Variants in GKAP1 observed in about 807,000 individuals in gnomAD.
GKAP1 encodes G kinase anchoring protein 1, also known as G kinase-anchoring protein 1.
Under a neutral mutation model 56.7 loss-of-function variants are expected in GKAP1, and 31 were observed. That is an observed-to-expected ratio of 0.55 (90% CI 0.41 to 0.74). GKAP1 has a LOEUF of 0.74. Ranked by LOEUF, GKAP1 falls within the 30% of genes least tolerant of loss-of-function variation. The pLI is 0.00. For synonymous variants in GKAP1, 151 were observed against 138.6 expected (o/e 1.09, Z -0.63); for missense variants, 364 against 402.3 (o/e 0.90, Z 0.82).
intron 3 of GKAP1, among the ~76,000 whole-genome samples, chr9:83,803,044 G>A (rs181797010): frequency 7.2e-5 from 11 of 152,090 alleles, no homozygotes; most frequent in Non-Finnish European, 1.5e-4. Context: ...GGGAGGCAGA[G>A]GTTGTAGTGA....
At chr9:83,783,181 T>C (rs1010490557) in intron 6 of GKAP1, among the ~76,000 whole-genome samples, 1 of 152,218 alleles carries the variant, frequency 6.6e-6, no homozygotes, top group South Asian at 2.1e-4. Flanking sequence ...GTAATATTTA[T>C]CCTCACAGAA....
intron 3 of GKAP1, among the ~76,000 whole-genome samples, chr9:83,800,495 AGAT>A (rs578096600): frequency 1.1e-3 from 172 of 152,080 alleles, no homozygotes; most frequent in Non-Finnish European, 1.6e-3. Flanking sequence ...CACCACGCCC[AGAT>A]ACTTTTTCTA....
chr9:83,780,681 T>C (rs538576821), intron 6 of GKAP1, among the ~76,000 whole-genome samples: 9 of 152,276 alleles, frequency 5.9e-5, no homozygotes, highest in African/African-American at 1.9e-4. Flanking sequence ...ATTTTAAGCA[T>C]ATGAGTTCCA....
chr9:83,755,389 A>G (rs150876908), intron 8 of GKAP1, among the ~76,000 whole-genome samples: 56 of 152,276 alleles, frequency 3.7e-4, no homozygotes, highest in African/African-American at 1.3e-3. Flanking sequence ...AAGAACATAC[A>G]CCAAAACTTT....
At chr9:83,748,640 C>T in intron 9 of GKAP1, 1 of 213,694 alleles carries the variant, frequency 4.7e-6, no homozygotes, top group Non-Finnish European at 9.2e-6. Context: ...ACTAAATTTT[C>T]CTAAATAATC....
chr9:83,748,035 T>C (rs893041869), intron 10 of GKAP1, among the ~76,000 whole-genome samples: 1 of 152,130 alleles, frequency 6.6e-6, no homozygotes, highest in African/African-American at 2.4e-5. Context: ...ATTTATGAGG[T>C]GCATGTGATA....
chr9:83,762,814 G>A (rs777856762), intron 8 of GKAP1, among the ~76,000 whole-genome samples: 6 of 152,114 alleles, frequency 3.9e-5, no homozygotes, highest in Non-Finnish European at 7.4e-5. Context: ...CAGTCTCTTC[G>A]ATAAATGGCA....
rs1202724876 is a variant in GKAP1 at position 83,806,439 on chromosome 9, A to G, written c.79T>C (p.Ser27Pro). ...TTACCTTTTCCAGGTTCAGAATCAGAGCCACTGCCACTATCCACTTGTAAC... is the reference window on the plus strand; with the variant it reads ...TTACCTTTTCCAGGTTCAGAATCAGGGCCACTGCCACTATCCACTTGTAAC... ...ALLQVDSGSG[S>P]DSEPGKGKGR... Residue 27 changes from serine to proline, a missense_variant, in exon 3 of 13, where the codon TCT becomes CCT. Ser to Pro is a moderately conservative substitution (Grantham distance 74, BLOSUM62 -1). Coordinates refer to ENST00000376371, the MANE Select transcript of GKAP1 (RefSeq NM_025211.4). 6.2e-7 allele frequency: 1 copy of G among 1,613,734 alleles called. No homozygotes were observed. The highest frequency in any genetic ancestry group is 8.5e-7 in the Non-Finnish European group (1 of 1,179,760).
chr9:83,750,462 T>C lies in GKAP1; in HGVS notation c.841-2090A>G, dbSNP rs563830524. ...GACGTGCTCTTCCTCTTACACTCTA[T>C]ACTTATCCATTGTTTTAGCAGACTG... On this transcript the variant is annotated intron_variant, in intron 9 of 12. Transcript: ENST00000376371. Among the ~76,000 whole-genome samples the C allele has an allele frequency of 2.0e-5, 3 of 152,314 alleles. No individual in the cohort carries two copies. In the East Asian group the frequency reaches 5.8e-4, roughly 29 times the overall value.
intron 2 of GKAP1, among the ~76,000 whole-genome samples, chr9:83,812,746 A>C (rs1474842884): frequency 6.6e-5 from 10 of 152,186 alleles, no homozygotes; most frequent in Non-Finnish European, 7.3e-5. Flanking sequence ...AATCAATACA[A>C]TATTGATTTT....
At chr9:83,742,508 T>A (rs377224305) in intron 11 of GKAP1, 22 bp downstream of exon 11, 1 of 1,543,782 alleles carries the variant, frequency 6.5e-7, no homozygotes. Flanking sequence ...AAACCAGTCA[T>A]GTATGCTCCA....
chr9:83,775,384 G>C (rs1345316292), intron 7 of GKAP1, among the ~76,000 whole-genome samples: 2 of 151,974 alleles, frequency 1.3e-5, no homozygotes, highest in African/African-American at 4.8e-5. Flanking sequence ...CCTTTTACTG[G>C]AGAATGGTTT....
At chr9:83,817,294 G>A (rs1399052854) in intron 1 of GKAP1, 167 bp from the exon 2 acceptor site, 1 of 151,912 alleles carries the variant, frequency 6.6e-6, no homozygotes, top group Admixed American at 6.6e-5. Context: ...CTGGGAGTCG[G>A]GTGCGAGTCC....
intron 2 of GKAP1, among the ~76,000 whole-genome samples, chr9:83,812,571 C>T (rs557095717): frequency 1.1e-4 from 16 of 150,654 alleles, no homozygotes; most frequent in African/African-American, 3.9e-4. Context: ...AACCCCTAGG[C>T]TCAAGCAATC....
At chr9:83,759,157 C>A (rs1193560171) in intron 8 of GKAP1, among the ~76,000 whole-genome samples, 1 of 152,216 alleles carries the variant, frequency 6.6e-6, no homozygotes, top group Non-Finnish European at 1.5e-5. Context: ...CCCTCCTCTT[C>A]TGAGGATATC....
chr9:83,753,349 A>G lies in GKAP1; in HGVS notation c.749T>C (p.Leu250Pro). The G allele has an allele frequency of 6.3e-7, 1 of 1,590,238 alleles. No homozygotes were observed. The highest frequency in any genetic ancestry group is 8.6e-7 in the Non-Finnish European group (1 of 1,159,304). ...TAHEHNQEVV[L>P]KDGRIERLKL... The stretch of plus-strand genomic sequence containing the variant: ...TAGTCTTTCAATTCTTCCATCTTTC[A>G]GAACCACTTCCTGAAAAGAGAGAAA... Residue 250 changes from leucine (L) to proline (P), a missense_variant, in exon 9 of 13, where the codon CTG becomes CCG. Physicochemically the swap from Leu to Pro is moderately conservative, Grantham distance 98. Coordinates refer to ENST00000376371, the MANE Select transcript of GKAP1 (RefSeq NM_025211.4).
intron 10 of GKAP1, among the ~76,000 whole-genome samples, chr9:83,748,034 G>A (rs1458453018): frequency 1.3e-5 from 2 of 151,962 alleles, no homozygotes; most frequent in Non-Finnish European, 2.9e-5. Flanking sequence ...TATTTATGAG[G>A]TGCATGTGAT....
At position 83,776,273 on chromosome 9, in the gene GKAP1, C is replaced by T. The variant is rs563318643; in HGVS notation, c.585+4109G>A. ...AAAGGCTTAGTAACAAGAATGAGCT[C>T]AACACACTGAGAAGAATAGAAAATA... On this transcript the variant is annotated intron_variant, in intron 7 of 12. Transcript: ENST00000376371. Among the ~76,000 whole-genome samples, 84 of 152,094 alleles carry T rather than the reference C, an allele frequency of 5.5e-4. 2 individuals carry two copies. The South Asian group carries it at 0.017, about 30-fold the overall frequency.
intron 8 of GKAP1, among the ~76,000 whole-genome samples, chr9:83,755,320 C>A (rs992550877): frequency 3.0e-4 from 45 of 152,152 alleles, no homozygotes; most frequent in African/African-American, 1.1e-3. Flanking sequence ...TGATATAGAG[C>A]TATAAAATAA....
Sources: allele counts gnomAD v4.1 joint callset (sites outside exome capture counted in the v4.1 genomes callset), GRCh38; gene constraint gnomAD v4.1.1; transcripts MANE v1.5; gene names NCBI Gene and HGNC (gene_info 2026-07-23, HGNC 2026-07-21).